Variants in CLIP4 observed in about 807,000 individuals in gnomAD.
CLIP4 encodes the protein CAP-Gly domain containing linker protein family member 4.
In CLIP4, 47 loss-of-function variants were observed where a neutral mutation model predicts 73.1. That is an observed-to-expected ratio of 0.64 (90% CI 0.51 to 0.82). CLIP4 has a LOEUF of 0.82. CLIP4 is among the 40% of genes least tolerant of loss of function. CLIP4 has a pLI of 0.00. For synonymous variants in CLIP4, 306 were observed against 295.4 expected (o/e 1.04, Z -0.37); for missense variants, 874 against 852.9 (o/e 1.02, Z -0.31).
At chr2:29,151,796 T>C (rs892776917) in intron 8 of CLIP4, among the ~76,000 whole-genome samples, 2 of 152,190 alleles carry the variant, frequency 1.3e-5, no homozygotes, top group Non-Finnish European at 2.9e-5. Flanking sequence ...ACTTTTTAAA[T>C]ATCTTAGCCA....
At chr2:29,111,332 A>G (rs1161527090), upstream of CLIP4, among the ~76,000 whole-genome samples, 1 of 152,158 alleles carries the variant, frequency 6.6e-6, no homozygotes, top group African/African-American at 2.4e-5. Flanking sequence ...TTTCTTCCCA[A>G]CTTCTTGTTC....
At chr2:29,099,171 G>A (rs538216754) in intron 1 of CLIP4, among the ~76,000 whole-genome samples, 2 of 149,968 alleles carry the variant, frequency 1.3e-5, no homozygotes, top group Admixed American at 6.6e-5. Flanking sequence ...GTCTTAACAG[G>A]ATTTTTCACA....
At chr2:29,141,375 C>T (rs537735392) in intron 6 of CLIP4, among the ~76,000 whole-genome samples, 1 of 152,240 alleles carries the variant, frequency 6.6e-6, no homozygotes, top group South Asian at 2.1e-4. Flanking sequence ...TCCAAAATTT[C>T]TCTGTTAGTT....
At chr2:29,114,799 T>C (rs1162537990), upstream of CLIP4, 1 of 152,342 alleles carries the variant, frequency 6.6e-6, no homozygotes, top group African/African-American at 2.4e-5. Flanking sequence ...CTGATAGATG[T>C]AACACTGTTG....
At chr2:29,169,591 A>G (rs942076632) in intron 14 of CLIP4, among the ~76,000 whole-genome samples, 2 of 151,924 alleles carry the variant, frequency 1.3e-5, no homozygotes, top group African/African-American at 4.8e-5. Flanking sequence ...GTCTTTTCAT[A>G]TATTTATTTG....
In CLIP4 at chr2:29,156,348, T is replaced by C; in HGVS notation, c.1166-6T>C. 6.4e-7 allele frequency: 1 copy of C among 1,558,548 alleles called. No homozygotes were observed. The highest frequency in any genetic ancestry group is 8.6e-7 in the Non-Finnish European group (1 of 1,160,680). ...TTGCTTAAAGTGTTTTATTTTTGTG[T>C]CCAAGGATTAATGACATCAAAAAAA... is the stretch of plus-strand genomic sequence containing the variant. On this transcript the variant is annotated splice_region_variant and splice_polypyrimidine_tract_variant and intron_variant, in intron 9 of 15. Coordinates refer to ENST00000320081, the MANE Select transcript of CLIP4 (RefSeq NM_024692.6).
chr2:29,142,462 A>C (rs981985754), intron 6 of CLIP4, among the ~76,000 whole-genome samples: 2 of 152,166 alleles, frequency 1.3e-5, no homozygotes, highest in African/African-American at 4.8e-5. Flanking sequence ...TATTTTAAAA[A>C]TTTTTATGTT....
At chr2:29,111,760 TAACTG>T (rs780883738), upstream of CLIP4, among the ~76,000 whole-genome samples, 16 of 152,374 alleles carry the variant, frequency 1.1e-4, no homozygotes, top group East Asian at 3.9e-4. Flanking sequence ...ATGGTATTCT[TAACTG>T]AACAGAACCC....
chr2:29,125,197 TG>T (rs1476041818), intron 2 of CLIP4, among the ~76,000 whole-genome samples: 1 of 152,194 alleles, frequency 6.6e-6, no homozygotes, highest in Non-Finnish European at 1.5e-5. Flanking sequence ...GGACTGGTAC[TG>T]GTCCCCCTAC....
chr2:29,140,616 A>G (rs1665695870), intron 6 of CLIP4, among the ~76,000 whole-genome samples: 1 of 152,150 alleles, frequency 6.6e-6, no homozygotes, highest in Non-Finnish European at 1.5e-5. Context: ...GGCTGGGTCA[A>G]ATGGTATTTC....
chr2:29,141,025 T>A (rs1405693358), intron 6 of CLIP4, among the ~76,000 whole-genome samples: 2 of 152,188 alleles, frequency 1.3e-5, no homozygotes, highest in Non-Finnish European at 2.9e-5. Context: ...GTATATTGTG[T>A]CTCTATTTTC....
At chr2:29,134,503 T>C (rs1460579904) in intron 5 of CLIP4, among the ~76,000 whole-genome samples, 1 of 152,238 alleles carries the variant, frequency 6.6e-6, no homozygotes, top group East Asian at 1.9e-4. Context: ...ACCTCCAATC[T>C]GCATAATTGT....
intron 15 of CLIP4, among the ~76,000 whole-genome samples, chr2:29,177,027 T>G (rs563327794): frequency 1.3e-5 from 2 of 152,340 alleles, no homozygotes; most frequent in East Asian, 1.9e-4. Context: ...GATTGGCTCT[T>G]GTGTTTCCCT....
chr2:29,128,972 A>G lies in CLIP4; in HGVS notation c.134-2286A>G, dbSNP rs943240433. Among the ~76,000 whole-genome samples the G allele has an allele frequency of 3.3e-5, 5 of 152,172 alleles. No individual in the cohort carries two copies. The South Asian group carries it at 1.0e-3, about 31-fold the overall frequency. On this transcript the variant is annotated intron_variant, in intron 2 of 15. Transcript: ENST00000320081. ...GGTATCTTTAGTTTCTCTGTCCAAA[A>G]GTAGATAAGCTTATGTTCAGCAATT...
chr2:29,152,671 G>T lies in CLIP4; in HGVS notation c.1022-14G>T, dbSNP rs759000387. The T allele has an allele frequency of 9.9e-6, 16 of 1,609,406 alleles. No individual in the cohort carries two copies. The highest frequency in any genetic ancestry group is 1.4e-5 in the Non-Finnish European group (16 of 1,178,058). ...TTTAATTGTTTAACACTAAAATTCT[G>T]CATTCTCCCTTAGGTATTTTTGCAC... is the stretch of plus-strand genomic sequence containing the variant. On this transcript the variant is annotated splice_polypyrimidine_tract_variant and intron_variant, in intron 8 of 15. Coordinates refer to ENST00000320081, the MANE Select transcript of CLIP4 (RefSeq NM_024692.6).
chr2:29,098,824 AC>A (rs1179279875), intron 1 of CLIP4, among the ~76,000 whole-genome samples: 1 of 152,184 alleles, frequency 6.6e-6, no homozygotes. Flanking sequence ...TTGCATTCCC[AC>A]CAGCAATGAG....
At chr2:29,137,227 A>ACAG (rs1665431238) in intron 6 of CLIP4, among the ~76,000 whole-genome samples, 1 of 151,858 alleles carries the variant, frequency 6.6e-6, no homozygotes, top group Admixed American at 6.6e-5. Context: ...TCCCATCTTT[A>ACAG]TGTCTGTGTG....
At chr2:29,121,349 AC>A in intron 1 of CLIP4, 24 bp from the exon 2 acceptor site, 1 of 1,562,164 alleles carries the variant, frequency 6.4e-7, no homozygotes, top group Non-Finnish European at 8.6e-7. Context: ...AAGTAGAAAC[AC>A]TTTTTTTTTC....
At chr2:29,145,947 G>T (rs1254918074) in intron 8 of CLIP4, among the ~76,000 whole-genome samples, 1 of 152,220 alleles carries the variant, frequency 6.6e-6, no homozygotes, top group African/African-American at 2.4e-5. Flanking sequence ...CTCCCAAAGT[G>T]CAGGGATTAC....
Sources: allele counts gnomAD v4.1 joint callset (sites outside exome capture counted in the v4.1 genomes callset), GRCh38; gene constraint gnomAD v4.1.1; transcripts MANE v1.5; gene names NCBI Gene and HGNC (gene_info 2026-07-23, HGNC 2026-07-21).